RANBP17: variants seen among roughly 807,000 people sequenced by gnomAD.
RANBP17 encodes RAN binding protein 17, also known as ran-binding protein 17.
In RANBP17, 158 loss-of-function variants were observed where a neutral mutation model predicts 141.2. The ratio of observed to expected loss-of-function variants is 1.12; its 90% CI spans 0.98 to 1.28. RANBP17 has a LOEUF of 1.28. RANBP17 is among the 50% of genes most tolerant of loss of function. The pLI, the probability that RANBP17 is intolerant of heterozygous loss-of-function variation, is 0.00. For synonymous variants in RANBP17, 430 were observed against 450.0 expected (o/e 0.96, Z 0.56); for missense variants, 1,438 against 1,290.7 (o/e 1.11, Z -1.75).
chr5:170,949,612 C>A (rs1581217487), intron 12 of RANBP17, among the ~76,000 whole-genome samples: 1 of 152,300 alleles, frequency 6.6e-6, no homozygotes, highest in South Asian at 2.1e-4. Flanking sequence ...GATCTTCATA[C>A]ATTGCTGGTG....
chr5:171,143,980 A>G (rs147286703), intron 14 of RANBP17, among the ~76,000 whole-genome samples: 32 of 152,296 alleles, frequency 2.1e-4, no homozygotes, highest in African/African-American at 7.7e-4. Context: ...AACAGCAATT[A>G]GGGGAAGGGT....
intron 14 of RANBP17, among the ~76,000 whole-genome samples, chr5:171,092,280 T>C (rs1786351284): frequency 6.6e-6 from 1 of 152,196 alleles, no homozygotes; most frequent in Non-Finnish European, 1.5e-5. Flanking sequence ...CCTAATAATA[T>C]ATTGAATGAT....
Position 171,241,019 on chromosome 5 carries a change from G to C in RANBP17, c.2514G>C (p.Lys838Asn). The change falls in exon 23 of 28, where the codon AAG (lysine) becomes AAC (asparagine). Residue 838 changes from lysine (K) to asparagine (N), a missense_variant. By Grantham distance (94) the Lys-to-Asn change is moderately conservative. Coordinates refer to ENST00000523189, the MANE Select transcript of RANBP17 (RefSeq NM_022897.5). ...TCTCCATCTGCTATTCAGCTCTCAA[G>C]TCTGCCTTGTGTGGAAATTATGTCA... Reference protein sequence around the residue: ...KGISICYSALKSALCGNYVSF... With the variant: ...KGISICYSALNSALCGNYVSF... 6.2e-7 allele frequency: 1 copy of C among 1,613,942 alleles called. No individual in the cohort carries two copies. The highest frequency in any genetic ancestry group is 8.5e-7 in the Non-Finnish European group (1 of 1,179,880).
At chr5:170,901,819 T>A (rs925641032) in intron 5 of RANBP17, among the ~76,000 whole-genome samples, 1 of 152,218 alleles carries the variant, frequency 6.6e-6, no homozygotes, top group Non-Finnish European at 1.5e-5. Flanking sequence ...GGTTGAAGAT[T>A]CTTTTCTTTA....
chr5:170,921,890 TGGA>T (rs1772496554), intron 11 of RANBP17, among the ~76,000 whole-genome samples: 1 of 152,178 alleles, frequency 6.6e-6, no homozygotes, highest in African/African-American at 2.4e-5. Context: ...TGCAGTCCTT[TGGA>T]GGAGAAGAAA....
chr5:171,116,895 A>G (rs190086415), intron 14 of RANBP17, among the ~76,000 whole-genome samples: 1 of 152,220 alleles, frequency 6.6e-6, no homozygotes, highest in East Asian at 1.9e-4. Flanking sequence ...TAGCCTCCAC[A>G]TGTGAGTGAG....
intron 14 of RANBP17, among the ~76,000 whole-genome samples, chr5:171,079,282 TTTC>T (rs1203413251): frequency 2.0e-5 from 3 of 151,990 alleles, no homozygotes; most frequent in South Asian, 2.1e-4. Flanking sequence ...AACAGATGAG[TTTC>T]TTCTTATGAA....
intron 14 of RANBP17, among the ~76,000 whole-genome samples, chr5:171,021,375 T>G (rs1780843919): frequency 6.6e-6 from 1 of 152,208 alleles, no homozygotes; most frequent in African/African-American, 2.4e-5. Flanking sequence ...TTTTCCAACT[T>G]GGTTCCATTC....
intron 1 of RANBP17, among the ~76,000 whole-genome samples, chr5:170,875,267 C>T (rs1768086405): frequency 6.6e-6 from 1 of 152,058 alleles, no homozygotes; most frequent in Admixed American, 6.6e-5. Flanking sequence ...TATGTTTTTT[C>T]CTTCATTTTG....
chr5:171,203,053 T>C (rs1490529033), intron 19 of RANBP17, among the ~76,000 whole-genome samples: 2 of 152,048 alleles, frequency 1.3e-5, no homozygotes, highest in Non-Finnish European at 2.9e-5. Context: ...CTCAGCAGTT[T>C]CTCCCTAACT....
chr5:171,090,750 T>A (rs1011462095), intron 14 of RANBP17, among the ~76,000 whole-genome samples: 4 of 152,094 alleles, frequency 2.6e-5, no homozygotes, highest in African/African-American at 9.7e-5. Context: ...CCAGCTGTGA[T>A]TAAAAGGGCC....
chr5:170,957,126 C>G (rs1301640778), intron 13 of RANBP17, among the ~76,000 whole-genome samples: 1 of 151,808 alleles, frequency 6.6e-6, no homozygotes, highest in East Asian at 2.0e-4. Flanking sequence ...CTGCCACTAT[C>G]TCGTGAGAAA....
chr5:170,951,593 TG>T (rs1775218678), intron 12 of RANBP17, among the ~76,000 whole-genome samples: 1 of 152,014 alleles, frequency 6.6e-6, no homozygotes, highest in Non-Finnish European at 1.5e-5. Flanking sequence ...GCTAGGGGCA[TG>T]GGGGTAGGAT....
intron 14 of RANBP17, among the ~76,000 whole-genome samples, chr5:171,019,348 G>C (rs943540060): frequency 1.3e-5 from 2 of 152,084 alleles, no homozygotes; most frequent in Non-Finnish European, 2.9e-5. Context: ...ACTCCTTTTT[G>C]TACCTCTGGT....
intron 14 of RANBP17, among the ~76,000 whole-genome samples, chr5:171,037,137 C>A (rs1032931048): frequency 2.6e-5 from 4 of 151,874 alleles, no homozygotes; most frequent in Non-Finnish European, 5.9e-5. Flanking sequence ...TTAATAATAG[C>A]CATCCTGACT....
chr5:170,977,516 C>T (rs1378127432), intron 14 of RANBP17, among the ~76,000 whole-genome samples: 1 of 151,986 alleles, frequency 6.6e-6, no homozygotes, highest in Non-Finnish European at 1.5e-5. Flanking sequence ...AAAATGGAAA[C>T]TACACTCTAC....
chr5:170,966,225 G>T (rs939183002), intron 13 of RANBP17, among the ~76,000 whole-genome samples: 2 of 151,866 alleles, frequency 1.3e-5, no homozygotes, highest in Admixed American at 6.6e-5. Flanking sequence ...CCAAAGCCGG[G>T]CAGAGACACA....
At chr5:171,261,212 G>A (rs1561809771) in intron 24 of RANBP17, among the ~76,000 whole-genome samples, 1 of 151,556 alleles carries the variant, frequency 6.6e-6, no homozygotes, top group Non-Finnish European at 1.5e-5. Context: ...GTTGGGTGCT[G>A]TATTACAGTT....
intron 3 of RANBP17, among the ~76,000 whole-genome samples, chr5:170,882,664 G>C (rs529786466): frequency 5.6e-4 from 85 of 152,190 alleles, no homozygotes; most frequent in African/African-American, 2.0e-3. Context: ...TCAGCTCTCT[G>C]GTGTTTTTCA....
Sources: gnomAD v4.1 joint callset for allele counts (sites outside exome capture counted in the v4.1 genomes callset) on GRCh38, gnomAD v4.1.1 for gene constraint, MANE v1.5 for transcripts, NCBI Gene and HGNC (gene_info 2026-07-23, HGNC 2026-07-21) for gene names.